RHPN1: variants seen among roughly 807,000 people sequenced by gnomAD.
RHPN1 encodes the protein rhophilin-1.
In RHPN1, 77 loss-of-function variants were observed where a neutral mutation model predicts 74.7. The ratio of observed to expected loss-of-function variants is 1.03; its 90% CI spans 0.86 to 1.25. The LOEUF is 1.25. Among genes scored for constraint, RHPN1 ranks in the 50% most tolerant of loss-of-function variants. The pLI is 0.00. For synonymous variants in RHPN1, 444 were observed against 414.5 expected, an observed-to-expected ratio of 1.07 and a Z score of -0.87; for missense variants, 987 against 932.2, an observed-to-expected ratio of 1.06 and a Z score of -0.77.
At chr8:143,370,378 C>T (rs1437033652) in intron 1 of RHPN1, among the ~76,000 whole-genome samples, 11 of 152,328 alleles carry the variant, frequency 7.2e-5, no homozygotes, top group Admixed American at 6.5e-4. Context: ...GTCACACGCG[C>T]ACCACTCAGG....
At chr8:143,380,326 GGGTGACGGCCCA>G in intron 10 of RHPN1, 151 bp downstream of exon 10, 1 of 696,960 alleles carries the variant, frequency 1.4e-6, no homozygotes. Context: ...TGTGCCTGAT[GGGTGACGGCCCA>G]GCGCAGGGGC....
In RHPN1 at chr8:143,376,579, C is replaced by A. The variant is rs368435108; in HGVS notation, c.231C>A (p.Val77=). 9.3e-6 allele frequency: 15 copies of A among 1,609,868 alleles called. No homozygotes were observed. The highest frequency in any genetic ancestry group is 1.3e-5 in the Non-Finnish European group (15 of 1,178,482). ...CGGTCGCCCTGGAGCTGAGCTACGT[C>A]AACTCCAACCTGCAGCTGCTGAAGG... ...RETVALELSY[V]NSNLQLLKEE... is the part of the protein sequence containing the mutation. The change falls in exon 3 of 15, where the codon GTC becomes GTA. Residue 77 remains valine, a synonymous_variant. Transcript: ENST00000289013.
intron 1 of RHPN1, among the ~76,000 whole-genome samples, chr8:143,372,431 C>T (rs1179486663): frequency 6.6e-6 from 1 of 152,158 alleles, no homozygotes; most frequent in Non-Finnish European, 1.5e-5. Flanking sequence ...AATTTCTTTT[C>T]TGGAGGAGGC....
chr8:143,379,278 C>A (rs1427674477), intron 7 of RHPN1, 37 bp from the exon 8 acceptor site: 1 of 1,531,870 alleles, frequency 6.5e-7, no homozygotes, highest in Non-Finnish European at 8.8e-7. Flanking sequence ...TGGGCAGGTA[C>A]AGGGCCCTGC....
chr8:143,379,883 G>A lies in RHPN1; in HGVS notation c.1000G>A (p.Asp334Asn), dbSNP rs756435885. 1.4e-5 allele frequency: 22 copies of A among 1,610,332 alleles called. No homozygotes were observed. The highest frequency in any genetic ancestry group is 8.8e-5 in the South Asian group (8 of 90,654). The change falls in exon 9 of 15, where the codon GAC becomes AAC. Residue 334 changes from aspartate (D) to asparagine (N), a missense_variant. By Grantham distance (23) the Asp-to-Asn change is conservative. Transcript: ENST00000289013. ...HRTMAQPPVH[D>N]YVPVSWTALV... Reference sequence around the variant, plus strand: ...GACCATGGCCCAGCCACCCGTCCACGACTACGTGCCTGTCTCCTGGACTGC... The same window carrying A: ...GACCATGGCCCAGCCACCCGTCCACAACTACGTGCCTGTCTCCTGGACTGC...
upstream of RHPN1, among the ~76,000 whole-genome samples, chr8:143,364,956 G>A (rs1316950385): frequency 1.3e-5 from 2 of 152,256 alleles, no homozygotes; most frequent in East Asian, 1.9e-4. This position sits in a 1 kb window ranked among gnomAD's most constrained non-coding sequence, Gnocchi z 4.5. Flanking sequence ...AGCAGCCTGC[G>A]TGCAGCGGGA....
chr8:143,364,681 G>A (rs1446150961), upstream of RHPN1, among the ~76,000 whole-genome samples: 2 of 152,046 alleles, frequency 1.3e-5, no homozygotes, highest in Non-Finnish European at 2.9e-5. The surrounding 1 kb of genome is among the most constrained non-coding windows in gnomAD (Gnocchi z 4.5). Context: ...AGCTGACCCT[G>A]TGACTGGGGA....
chr8:143,375,586 C>G lies in RHPN1; in HGVS notation c.94C>G (p.Gln32Glu). 3.1e-6 allele frequency: 5 copies of G among 1,605,638 alleles called. No homozygotes were observed. The highest frequency in any genetic ancestry group is 4.2e-6 in the Non-Finnish European group (5 of 1,177,312). The stretch of plus-strand genomic sequence containing the variant: ...CTCCCTGACGCAGATCCAGTGCGGC[C>G]AGCTGCAGAGCCGCAGGGCCCAGAT... Reference protein sequence around the residue: ...CDSLTQIQCGQLQSRRAQIHQ... With the variant: ...CDSLTQIQCGELQSRRAQIHQ... The change falls in exon 2 of 15, where the codon CAG becomes GAG. Residue 32 changes from glutamine (Q) to glutamate (E), a missense_variant. Transcript: ENST00000289013.
rs747705915 is a variant in RHPN1, at chr8:143,381,822, G to T, written c.1651G>T (p.Glu551Ter). ...GSQAAAAGLK[E>*]GDYIVSVNGQ... is the part of the protein sequence containing the mutation. Reference sequence around the variant, plus strand: ...CTCCCCACAGGCGGCTGGCCTGAAGGAGGGCGACTACATTGTGTCAGTGAA... The same window carrying T: ...CTCCCCACAGGCGGCTGGCCTGAAGTAGGGCGACTACATTGTGTCAGTGAA... The change falls in exon 14 of 15, where the codon GAG (glutamate) becomes TAG (stop). Residue 551 changes from glutamate (E) to a stop codon, truncating the protein, a stop_gained. Coordinates refer to ENST00000289013, the MANE Select transcript of RHPN1 (RefSeq NM_052924.3). LOFTEE classifies it high-confidence loss of function. 1.9e-6 allele frequency: 3 copies of T among 1,612,908 alleles called. No individual in the cohort carries two copies. In the South Asian group the frequency reaches 3.3e-5, roughly 18 times the overall value.
In RHPN1 at chr8:143,382,648, G is replaced by A. The variant is rs1469566006; in HGVS notation, c.2010G>A (p.Pro670=). 2.5e-5 allele frequency: 40 copies of A among 1,607,886 alleles called. No homozygotes were observed. The highest frequency in any genetic ancestry group is 6.7e-5 in the East Asian group (3 of 44,852). Residue 670 remains proline, a synonymous_variant, in exon 15 of 15, where the codon CCG becomes CCA. Transcript: ENST00000289013. ...PPSSLKHPGW[P] ...CATCCTTGAAGCACCCAGGGTGGCC[G>A]TGAGGGCCAGGATCCCTGCACGCCT...
At chr8:143,375,717 A>AG in intron 2 of RHPN1, 49 bp downstream of exon 2, 4 of 1,432,020 alleles carry the variant, frequency 2.8e-6, no homozygotes, top group Non-Finnish European at 3.8e-6. Flanking sequence ...CACCTGGGTG[A>AG]GGGGGGCAGG....
At chr8:143,379,559 T>C (rs1241521061) in intron 8 of RHPN1, 51 bp downstream of exon 8, 1 of 1,499,648 alleles carries the variant, frequency 6.7e-7, no homozygotes, top group Non-Finnish European at 8.9e-7. Flanking sequence ...CGAGCTGGGG[T>C]CAGAGCCCAG....
chr8:143,369,745 C>T (rs914169112), intron 1 of RHPN1, among the ~76,000 whole-genome samples: 6 of 152,368 alleles, frequency 3.9e-5, no homozygotes, highest in African/African-American at 1.2e-4. Flanking sequence ...TGGGCGCCCA[C>T]GCCCGCCACG....
chr8:143,376,562 C>G lies in RHPN1; in HGVS notation c.214C>G (p.Leu72Val), dbSNP rs1157650311. ...CAACCGGGTGAGAGAGACGGTCGCC[C>G]TGGAGCTGAGCTACGTCAACTCCAA... ...SNNRVRETVA[L>V]ELSYVNSNLQ... Residue 72 changes from leucine to valine, a missense_variant, in exon 3 of 15, where the codon CTG (leucine) becomes GTG (valine). By Grantham distance (32) the Leu-to-Val change is conservative. Coordinates refer to ENST00000289013, the MANE Select transcript of RHPN1 (RefSeq NM_052924.3). The G allele has an allele frequency of 3.1e-6, 5 of 1,611,952 alleles. No homozygotes were observed. Among genetic ancestry groups the G allele is most frequent in the Non-Finnish European group, 4.2e-6 (5 of 1,179,426 alleles).
upstream of RHPN1, chr8:143,366,510 C>G (rs937720144): frequency 2.1e-5 from 2 of 96,486 alleles, no homozygotes; most frequent in African/African-American, 7.2e-5. Context: ...CCCCCTCCAA[C>G]ACACACACAC....
At chr8:143,379,617 C>T in intron 8 of RHPN1, 109 bp downstream of exon 8, 1 of 1,451,320 alleles carries the variant, frequency 6.9e-7, no homozygotes, top group Non-Finnish European at 9.1e-7. Flanking sequence ...TGTGTCAGCC[C>T]CGAGCCAGCT....
At chr8:143,372,263 A>C (rs1161418261) in intron 1 of RHPN1, among the ~76,000 whole-genome samples, 3 of 139,976 alleles carry the variant, frequency 2.1e-5, no homozygotes, top group Non-Finnish European at 4.6e-5. Context: ...GGTACTGGGC[A>C]GAGGCCCTCG....
upstream of RHPN1, among the ~76,000 whole-genome samples, chr8:143,364,347 C>T (rs996851092): frequency 1.3e-5 from 2 of 152,216 alleles, no homozygotes; most frequent in African/African-American, 4.8e-5. This position sits in a 1 kb window ranked among gnomAD's most constrained non-coding sequence, Gnocchi z 4.5. Flanking sequence ...CCCTCCCTCC[C>T]TAAGCACACT....
rs544181513 is a variant in RHPN1, at chr8:143,381,850, G to A, written c.1679G>A (p.Gly560Glu). The change falls in exon 14 of 15, where the codon GGG becomes GAG. Residue 560 changes from glycine to glutamate, a missense_variant. Coordinates refer to ENST00000289013, the MANE Select transcript of RHPN1 (RefSeq NM_052924.3). ...GGCGACTACATTGTGTCAGTGAATG[G>A]GCAGCCATGCAGGTGGTGGAGACAC... The part of the protein sequence containing the change: ...KEGDYIVSVN[G>E]QPCRWWRHAE... The A allele has an allele frequency of 6.2e-7, 1 of 1,613,088 alleles. No homozygotes were observed. The highest frequency in any genetic ancestry group is 1.3e-5 in the African/African-American group (1 of 75,068).
Sources: gnomAD v4.1 joint callset for allele counts (sites outside exome capture counted in the v4.1 genomes callset) on GRCh38, gnomAD v4.1.1 for gene constraint, Gnocchi (gnomAD v3.1) non-coding constraint, MANE v1.5 for transcripts, NCBI Gene and HGNC (gene_info 2026-07-23, HGNC 2026-07-21) for gene names.